PABPN1: variants seen among roughly 807,000 people sequenced by gnomAD.
PABPN1 encodes poly(A) binding protein nuclear 1.
In PABPN1, 5 loss-of-function variants were observed where a neutral mutation model predicts 33.4. That is an observed-to-expected ratio of 0.15 (90% CI 0.08 to 0.32). PABPN1 has a LOEUF of 0.32. Among genes scored for constraint, PABPN1 ranks in the 10% least tolerant of loss-of-function variants. The pLI is 1.00. For synonymous variants in PABPN1, 176 were observed against 170.6 expected (o/e 1.03, Z -0.25); for missense variants, 312 against 425.8 (o/e 0.73, Z 2.35).
In PABPN1 at chr14:23,325,397, T is replaced by C; in HGVS notation, c.*111T>C. ...GAAGATGACCTTGATGGAAAAAAAATATTTTTTAAAAAAAAGATATACTGT... is the reference window on the plus strand; with the variant it reads ...GAAGATGACCTTGATGGAAAAAAAACATTTTTTAAAAAAAAGATATACTGT... On this transcript the variant is annotated 3_prime_UTR_variant, in exon 7 of 7. Coordinates refer to ENST00000216727, the MANE Select transcript of PABPN1 (RefSeq NM_004643.4). 1 of 1,310,426 alleles carries C rather than the reference T, an allele frequency of 7.6e-7. No homozygotes were observed. The highest frequency in any genetic ancestry group is 1.0e-6 in the Non-Finnish European group (1 of 979,584). The allele number at this position is 1,310,426 out of a possible 1,614,324, so 81.2% of individuals were successfully genotyped here. A position where few individuals can be genotyped will look rare whatever the true frequency, so the allele number is the denominator to read the frequency against.
At chr14:23,322,098 G>A in intron 1 of PABPN1, 83 bp from the exon 2 acceptor site, 1 of 1,428,220 alleles carries the variant, frequency 7.0e-7, no homozygotes. Flanking sequence ...CATGGCTGAG[G>A]CCGCGCTCTG....
chr14:23,322,170 AC>A lies in PABPN1; in HGVS notation c.352-10del, dbSNP rs973667196. 1 of 1,597,856 alleles carries A rather than the reference AC, an allele frequency of 6.3e-7. No homozygotes were observed. The highest frequency in any genetic ancestry group is 8.5e-7 in the Non-Finnish European group (1 of 1,172,102). On this transcript the variant is annotated splice_polypyrimidine_tract_variant and intron_variant, in intron 1 of 6. Coordinates refer to ENST00000216727, the MANE Select transcript of PABPN1 (RefSeq NM_004643.4). ...TTAAGCTGTCCTCCATACCCTCCCC[AC>A]TTATATTAGGAGCTGGAAGCTATCA...
intron 1 of PABPN1, 57 bp from the exon 2 acceptor site, chr14:23,322,124 C>G: frequency 1.3e-6 from 2 of 1,510,946 alleles, no homozygotes; most frequent in African/African-American, 1.4e-5. Context: ...GAGCAGGGCA[C>G]AGCCCCTGCG....
At chr14:23,321,931 A>G in intron 1 of PABPN1, 111 bp downstream of exon 1, 1 of 757,332 alleles carries the variant, frequency 1.3e-6, no homozygotes, top group South Asian at 1.9e-5. Flanking sequence ...GGCGGGGAAT[A>G]ACGTGGCTGG....
At chr14:23,322,014 T>G (rs1003054369) in intron 1 of PABPN1, 167 bp from the exon 2 acceptor site, 5 of 794,114 alleles carry the variant, frequency 6.3e-6, no homozygotes, top group African/African-American at 1.7e-5. Context: ...GCGTCACGGT[T>G]GCCTAGTGTT....
intron 2 of PABPN1, chr14:23,322,502 C>A: frequency 1.7e-6 from 1 of 604,354 alleles, no homozygotes. Flanking sequence ...TTGTGCCTCC[C>A]TTTGTGCCTG....
chr14:23,323,508 ATAATT>A, intron 4 of PABPN1, 25 bp downstream of exon 4: 1 of 1,587,032 alleles, frequency 6.3e-7, no homozygotes, highest in South Asian at 1.1e-5. Context: ...GTAAGTTGAG[ATAATT>A]TAAATTACAG....
chr14:23,322,546 G>A, intron 2 of PABPN1: 1 of 533,668 alleles, frequency 1.9e-6, no homozygotes, highest in South Asian at 2.0e-5. Flanking sequence ...CTTAGTCTAC[G>A]TCTATCTTTC....
intron 2 of PABPN1, 49 bp from the exon 3 acceptor site, chr14:23,322,950 G>T (rs1361616999): frequency 6.2e-7 from 1 of 1,612,910 alleles, no homozygotes; most frequent in Admixed American, 1.7e-5. Context: ...TATTGGTCAA[G>T]TAGAAAACAA....
In PABPN1 at chr14:23,325,349, T is replaced by TAA. The variant is rs376203495; in HGVS notation, c.*76_*77dup. 574 of 1,088,480 alleles carry TAA rather than the reference T, an allele frequency of 5.3e-4. No individual in the cohort carries two copies. Among genetic ancestry groups the TAA allele is most frequent in the Middle Eastern group, 9.5e-4 (3 of 3,146 alleles). 67.4% of individuals were successfully genotyped at this position (1,088,480 alleles called of 1,614,324 possible). A position where few individuals can be genotyped will look rare whatever the true frequency, so the allele number is the denominator to read the frequency against. ...AGGAAAGAAGGAAAAAAAAAAGAAT[T>TAA]AAAAAAAAAAAAAAGAAAAACAGAA... On this transcript the variant is annotated 3_prime_UTR_variant, in exon 7 of 7. Transcript: ENST00000216727.
At position 23,321,644 on chromosome 14, in the gene PABPN1, G is replaced by A. The variant is rs986489999; in HGVS notation, c.175G>A (p.Glu59Lys). The change falls in exon 1 of 7, where the codon GAG becomes AAG. Residue 59 changes from glutamate to lysine, a missense_variant. Glu to Lys is a moderately conservative substitution (Grantham distance 56). Transcript: ENST00000216727. The stretch of plus-strand genomic sequence containing the variant: ...GGAGTCTGAGGAACTGGAGCCTGAG[G>A]AGCTGCTGCTGGAGCCCGAGCCGGA... ...GLESEELEPE[E>K]LLLEPEPEPE... 1 of 1,513,610 alleles carries A rather than the reference G, an allele frequency of 6.6e-7. No individual in the cohort carries two copies. Among genetic ancestry groups the A allele is most frequent in the Admixed American group, 2.0e-5 (1 of 50,844 alleles). 93.8% of individuals were successfully genotyped at this position (1,513,610 alleles called of 1,614,324 possible). A position where few individuals can be genotyped will look rare whatever the true frequency, so the allele number is the denominator to read the frequency against.
Position 23,321,497 on chromosome 14 carries a change from G to T in PABPN1, c.28G>T (p.Ala10Ser), listed in dbSNP as rs1220650804. ...GGCGGCGGCGGCGGCGGCGGCAGCA[G>T]CAGCGGGGGCTGCGGGCGGTCGGGG... MAAAAAAAA[A>S]AGAAGGRGSG... Residue 10 changes from alanine to serine, a missense_variant, in exon 1 of 7, where the codon GCA becomes TCA. Coordinates refer to ENST00000216727, the MANE Select transcript of PABPN1 (RefSeq NM_004643.4). The T allele has an allele frequency of 1.6e-5, 20 of 1,217,102 alleles. No homozygotes were observed. The highest frequency in any genetic ancestry group is 1.9e-5 in the Non-Finnish European group (19 of 977,744). 75.4% of individuals were successfully genotyped at this position (1,217,102 alleles called of 1,614,324 possible). A position where few individuals can be genotyped will look rare whatever the true frequency, so the allele number is the denominator to read the frequency against.
At position 23,323,961 on chromosome 14, in the gene PABPN1, T is replaced by C. The variant is rs1380919123; in HGVS notation, c.642-4T>C. On this transcript the variant is annotated splice_polypyrimidine_tract_variant and splice_region_variant and intron_variant, in intron 4 of 6. Coordinates refer to ENST00000216727, the MANE Select transcript of PABPN1 (RefSeq NM_004643.4). ...CAGAGAGATACAATGACAATTCTTT[T>C]CAGGTTTGCGTATATAGAGTTCTCA... 1 of 1,613,960 alleles carries C rather than the reference T, an allele frequency of 6.2e-7. No individual in the cohort carries two copies. The highest frequency in any genetic ancestry group is 8.5e-7 in the Non-Finnish European group (1 of 1,180,014).
chr14:23,322,424 C>T (rs891438646), intron 2 of PABPN1, 129 bp downstream of exon 2: 2 of 825,444 alleles, frequency 2.4e-6, no homozygotes, highest in Non-Finnish European at 4.1e-6. Context: ...GACTGTGCCG[C>T]GGTCATAGTC....
chr14:23,322,066 T>G, intron 1 of PABPN1, 115 bp from the exon 2 acceptor site: 1 of 1,105,288 alleles, frequency 9.0e-7, no homozygotes, highest in Non-Finnish European at 1.3e-6. Context: ...GACCCTCGCA[T>G]GGGGCGAGGG....
intron 1 of PABPN1, 97 bp from the exon 2 acceptor site, chr14:23,322,084 C>T (rs967675183): frequency 1.5e-6 from 2 of 1,305,756 alleles, no homozygotes; most frequent in Admixed American, 2.0e-5. Context: ...GGGAAATGGC[C>T]GAGCATGGCT....
At chr14:23,324,419 G>C in intron 6 of PABPN1, 130 bp downstream of exon 6, 9 of 1,306,268 alleles carry the variant, frequency 6.9e-6, no homozygotes, top group Non-Finnish European at 9.7e-6. Context: ...TCTCCTGCCT[G>C]TGCAGGTTGA....
rs1888559814 is a variant in PABPN1 at position 23,324,247 on chromosome 14, T to G, written c.839T>G (p.Phe280Cys). ...AACTACAACAGCTCCCGCTCTCGAT[T>G]CTACAGTGGTTTTAACAGCAGGCCC... ...TTNYNSSRSR[F>C]YSGFNSRPRG... Residue 280 changes from phenylalanine to cysteine, a missense_variant, in exon 6 of 7, where the codon TTC (phenylalanine) becomes TGC (cysteine). Physicochemically the swap from Phe to Cys is radical, Grantham distance 205. Coordinates refer to ENST00000216727, the MANE Select transcript of PABPN1 (RefSeq NM_004643.4). The G allele has an allele frequency of 6.2e-7, 1 of 1,613,912 alleles. No homozygotes were observed. Among genetic ancestry groups the G allele is most frequent in the Non-Finnish European group, 8.5e-7 (1 of 1,180,036 alleles).
chr14:23,322,526 G>A, intron 2 of PABPN1: 1 of 564,534 alleles, frequency 1.8e-6, no homozygotes, highest in Non-Finnish European at 3.2e-6. Context: ...TAATTGTGTT[G>A]CTCTTTGTTC....
Sources: allele counts gnomAD v4.1 joint callset, GRCh38; gene constraint gnomAD v4.1.1; transcripts MANE v1.5; gene names NCBI Gene and HGNC (gene_info 2026-07-23, HGNC 2026-07-21).